LIFR: variants seen among roughly 807,000 people sequenced by gnomAD.
LIFR encodes leukemia inhibitory factor receptor.
LIFR carries 84 observed loss-of-function variants against 122.2 expected under a neutral mutation model. The ratio of observed to expected loss-of-function variants is 0.69; its 90% CI spans 0.58 to 0.82. The LOEUF is 0.82. LIFR is among the 40% of genes least tolerant of loss of function. The probability of loss-of-function intolerance (pLI) is 0.00; values close to 1 mark genes in which losing one functional copy is unlikely to be tolerated. For missense variants in LIFR, 1,294 were observed against 1,311.6 expected, an observed-to-expected ratio of 0.99 and a Z score of 0.21; for synonymous variants, 422 against 434.7, an observed-to-expected ratio of 0.97 and a Z score of 0.36.
chr5:38,583,904 C>A (rs1749668205), intron 1 of LIFR, among the ~76,000 whole-genome samples: 1 of 152,118 alleles, frequency 6.6e-6, no homozygotes, highest in African/African-American at 2.4e-5. Flanking sequence ...TAAGGGGTTT[C>A]CCTTTTCCAT....
At chr5:38,494,189 C>A (rs184889343) in intron 13 of LIFR, among the ~76,000 whole-genome samples, 10 of 152,096 alleles carry the variant, frequency 6.6e-5, no homozygotes, top group Non-Finnish European at 1.2e-4. Flanking sequence ...ACTATGAATG[C>A]GTGCAGAGAA....
At chr5:38,604,644 T>C (rs1435085682) in intron 2 of LIFR, among the ~76,000 whole-genome samples, 1 of 151,414 alleles carries the variant, frequency 6.6e-6, no homozygotes. Context: ...GAGGTTGCAG[T>C]GAGCCGAGAT....
intron 5 of LIFR, among the ~76,000 whole-genome samples, chr5:38,517,793 G>A (rs898836712): frequency 7.5e-6 from 1 of 133,274 alleles, no homozygotes; most frequent in Non-Finnish European, 1.5e-5. Context: ...GGATTTGGAG[G>A]TTGCAGTGAG....
chr5:38,548,758 G>T (rs1247619112), intron 1 of LIFR, among the ~76,000 whole-genome samples: 1 of 152,152 alleles, frequency 6.6e-6, no homozygotes, highest in African/African-American at 2.4e-5. Context: ...TATTGGCAAT[G>T]GAAGGCATTT....
At chr5:38,505,676 T>C (rs1280807556) in intron 9 of LIFR, among the ~76,000 whole-genome samples, 1 of 151,926 alleles carries the variant, frequency 6.6e-6, no homozygotes, top group Non-Finnish European at 1.5e-5. Context: ...ATTTCAGAAA[T>C]CAAAAATTAT....
At chr5:38,511,118 T>C (rs746840213) in intron 6 of LIFR, among the ~76,000 whole-genome samples, 2 of 152,168 alleles carry the variant, frequency 1.3e-5, no homozygotes, top group African/African-American at 4.8e-5. Flanking sequence ...AATAATTCCA[T>C]TCCTTTTATT....
intron 1 of LIFR, among the ~76,000 whole-genome samples, chr5:38,540,870 G>A (rs896690677): frequency 2.6e-5 from 4 of 151,846 alleles, no homozygotes; most frequent in Non-Finnish European, 4.4e-5. Context: ...AAAATGTACT[G>A]GCATTAAAAA....
chr5:38,485,233 G>A (rs151275905), intron 17 of LIFR, among the ~76,000 whole-genome samples: 82 of 152,246 alleles, frequency 5.4e-4, no homozygotes, highest in South Asian at 3.1e-3. Flanking sequence ...AAAATGACAC[G>A]AGACAGTGCC....
chr5:38,526,668 CT>C (rs1231567477), intron 4 of LIFR, among the ~76,000 whole-genome samples: 1 of 152,072 alleles, frequency 6.6e-6, no homozygotes, highest in Non-Finnish European at 1.5e-5. Context: ...ACCTAATTTG[CT>C]TTTCAATTTT....
chr5:38,549,797 CA>C (rs547543366), intron 1 of LIFR, among the ~76,000 whole-genome samples: 18 of 150,730 alleles, frequency 1.2e-4, no homozygotes, highest in Non-Finnish European at 2.4e-4. Context: ...TTTCCACACA[CA>C]AAAAAAAACT....
intron 7 of LIFR, among the ~76,000 whole-genome samples, chr5:38,507,631 A>G (rs1198919634): frequency 6.6e-6 from 1 of 151,956 alleles, no homozygotes; most frequent in East Asian, 1.9e-4. Context: ...GTAGAAATTC[A>G]TATTTCTGTA....
chr5:38,505,162 A>G (rs1405303939), intron 9 of LIFR, among the ~76,000 whole-genome samples: 2 of 108,012 alleles, frequency 1.9e-5, no homozygotes, highest in East Asian at 3.6e-4. Flanking sequence ...TCTCCAGGAC[A>G]TCCTTAAAAA....
At chr5:38,511,734 TTAAG>T in intron 6 of LIFR, 52 bp downstream of exon 6, 2 of 1,538,536 alleles carry the variant, frequency 1.3e-6, no homozygotes, top group Non-Finnish European at 1.8e-6. Context: ...AATCTTACTC[TTAAG>T]TGAGACTAAT....
chr5:38,539,820 T>C (rs1317418624), intron 1 of LIFR, among the ~76,000 whole-genome samples: 4 of 152,202 alleles, frequency 2.6e-5, no homozygotes, highest in Admixed American at 1.3e-4. Flanking sequence ...AATTTATACA[T>C]ATATTTCAGA....
chr5:38,523,091 A>C lies in LIFR; in HGVS notation c.561+328T>G, dbSNP rs1011641422. 1.3e-3 allele frequency among the ~76,000 whole-genome samples: 193 copies of C among 152,206 alleles called. 2 individuals are homozygous for C. Among genetic ancestry groups the C allele is most frequent in the Non-Finnish European group, 2.2e-4 (15 of 68,012 alleles). ...TTAGACAAAGGTAAAATAATACACTAAATTAAATGTGCACTTTCATTTACA... is the reference window on the plus strand; with the variant it reads ...TTAGACAAAGGTAAAATAATACACTCAATTAAATGTGCACTTTCATTTACA... On this transcript the variant is annotated intron_variant, in intron 5 of 19. Coordinates refer to ENST00000453190, the MANE Select transcript of LIFR (RefSeq NM_001127671.2).
At chr5:38,592,561 G>A (rs1378151389) in intron 1 of LIFR, among the ~76,000 whole-genome samples, 3 of 151,316 alleles carry the variant, frequency 2.0e-5, no homozygotes, top group Non-Finnish European at 4.4e-5. Context: ...GGAGGCTGAG[G>A]CACAAGAAAT....
chr5:38,599,676 TAC>T (rs1284398761), upstream of LIFR, among the ~76,000 whole-genome samples: 4 of 152,206 alleles, frequency 2.6e-5, no homozygotes, highest in Admixed American at 1.3e-4. Flanking sequence ...TCAATTAGTT[TAC>T]AGACTCCTTG....
At chr5:38,494,772 A>G (rs1046906151) in intron 13 of LIFR, among the ~76,000 whole-genome samples, 2 of 152,242 alleles carry the variant, frequency 1.3e-5, no homozygotes, top group African/African-American at 4.8e-5. Flanking sequence ...AGGAGCCTGC[A>G]AACTGCAGGT....
intron 2 of LIFR, among the ~76,000 whole-genome samples, chr5:38,604,748 G>C (rs1750292022): frequency 6.6e-6 from 1 of 151,994 alleles, no homozygotes; most frequent in South Asian, 2.1e-4. Flanking sequence ...TAAGATGAAG[G>C]ACACCCCATG....
Sources: gnomAD v4.1 joint callset for allele counts (sites outside exome capture counted in the v4.1 genomes callset) on GRCh38, gnomAD v4.1.1 for gene constraint, MANE v1.5 for transcripts, NCBI Gene and HGNC (gene_info 2026-07-23, HGNC 2026-07-21) for gene names.